Variants in ROBO3 observed in about 807,000 individuals in gnomAD.
The protein encoded by ROBO3 is roundabout homolog 3.
ROBO3 carries 97 observed loss-of-function variants against 160.5 expected under a neutral mutation model. That is an observed-to-expected ratio of 0.60 (90% CI 0.51 to 0.72). ROBO3 has a LOEUF of 0.72. Among genes scored for constraint, ROBO3 ranks in the 30% least tolerant of loss-of-function variants. The probability of loss-of-function intolerance (pLI) is 0.00; values close to 1 mark genes in which losing one functional copy is unlikely to be tolerated. For synonymous variants in ROBO3, 780 were observed against 746.2 expected (o/e 1.05, Z -0.74); for missense variants, 1,858 against 1,846.5 (o/e 1.01, Z -0.11).
rs771357888 is a variant in ROBO3, at chr11:124,870,139, A to C, written c.767-26A>C. Reference sequence around the variant, plus strand: ...AGTAAGTAGCCGTGCAGACACCCTGACTGTTCACTCACTACCACTCCATAG... The same window carrying C: ...AGTAAGTAGCCGTGCAGACACCCTGCCTGTTCACTCACTACCACTCCATAG... On this transcript the variant is annotated intron_variant, in intron 4 of 27. Coordinates refer to ENST00000397801, the MANE Select transcript of ROBO3 (RefSeq NM_022370.4). 2.5e-6 allele frequency: 4 copies of C among 1,613,994 alleles called. No individual in the cohort carries two copies. The Middle Eastern group carries it at 5.0e-4, about 200-fold the overall frequency.
In ROBO3 at chr11:124,868,727, C is replaced by A. The variant is rs753916056; in HGVS notation, c.161-75C>A. ...TAGGAGATGGAACGACCAGAGGATTCTCTTTCCCTCTGGAGCCTCAATCTC... is the reference window on the plus strand; with the variant it reads ...TAGGAGATGGAACGACCAGAGGATTATCTTTCCCTCTGGAGCCTCAATCTC... On this transcript the variant is annotated intron_variant, in intron 1 of 27. Transcript: ENST00000397801. 2.4e-5 allele frequency: 34 copies of A among 1,406,532 alleles called. No individual in the cohort carries two copies. The African/African-American group carries it at 4.8e-4, about 20-fold the overall frequency. The allele number at this position is 1,406,532 out of a possible 1,614,324, so 87.1% of individuals were successfully genotyped here.
chr11:124,870,976 C>A, intron 6 of ROBO3, 38 bp from the exon 7 acceptor site: 8 of 1,594,064 alleles, frequency 5.0e-6, no homozygotes, highest in Non-Finnish European at 6.0e-6. Context: ...CTTAGTGCCT[C>A]TGACTACCTG....
Position 124,865,478 on chromosome 11 carries a change from G to C in ROBO3, c.-100G>C. The C allele has an allele frequency of 1.6e-6, 2 of 1,259,572 alleles. No individual in the cohort carries two copies. Among genetic ancestry groups the C allele is most frequent in the Admixed American group, 2.3e-5 (1 of 43,010 alleles). 78.0% of individuals were successfully genotyped at this position (1,259,572 alleles called of 1,614,324 possible). On this transcript the variant is annotated 5_prime_UTR_variant, in exon 1 of 28. Transcript: ENST00000397801. This position sits in a 1 kb window ranked among gnomAD's most constrained non-coding sequence, Gnocchi z 5.5. ...AGAGCGGCACCGTGGCTGCCGCAGCGCGCAGAGGCTGTGGAGGGGCTTACG... is the reference window on the plus strand; with the variant it reads ...AGAGCGGCACCGTGGCTGCCGCAGCCCGCAGAGGCTGTGGAGGGGCTTACG...
chr11:124,878,442 G>A lies in ROBO3; in HGVS notation c.3320+6G>A, dbSNP rs1441736843. ...GAGGAGGAGCTGGAGGGCAGGTAGA[G>A]ATGCTCCCTGCTTCCAGGCCCACAC... On this transcript the variant is annotated splice_donor_region_variant and intron_variant, in intron 22 of 27. Transcript: ENST00000397801. This position sits in a 1 kb window ranked among gnomAD's most constrained non-coding sequence, Gnocchi z 4.3. The A allele has an allele frequency of 1.2e-6, 2 of 1,611,716 alleles. No individual in the cohort carries two copies. Among genetic ancestry groups the A allele is most frequent in the Admixed American group, 1.7e-5 (1 of 59,962 alleles).
Position 124,872,660 on chromosome 11 carries a change from T to A in ROBO3, c.1330+108T>A. ...TATACTATGTCTGCAAGAGGAGAGA[T>A]GTGTTCCTGAGGCATGACCTTGAAG... On this transcript the variant is annotated intron_variant, in intron 8 of 27. Transcript: ENST00000397801. The surrounding 1 kb of genome is among the most constrained non-coding windows in gnomAD (Gnocchi z 4.3). 2 of 1,210,208 alleles carry A rather than the reference T, an allele frequency of 1.7e-6. No individual in the cohort carries two copies. Among genetic ancestry groups the A allele is most frequent in the Non-Finnish European group, 2.3e-6 (2 of 875,290 alleles). 75.0% of individuals were successfully genotyped at this position (1,210,208 alleles called of 1,614,324 possible).
In ROBO3 at chr11:124,878,552, C is replaced by A; in HGVS notation, c.3321-32C>A. 6.2e-7 allele frequency: 1 copy of A among 1,605,894 alleles called. No homozygotes were observed. On this transcript the variant is annotated intron_variant, in intron 22 of 27. Transcript: ENST00000397801. The surrounding 1 kb of genome is among the most constrained non-coding windows in gnomAD (Gnocchi z 4.3). ...CGGGAAGGTATGGAAGCAGCTGAGC[C>A]CTTTCCTTCTCTCCTGCCTCTTTGA...
Position 124,876,807 on chromosome 11 carries a change from G to A in ROBO3, c.2779+347G>A. On this transcript the variant is annotated intron_variant, in intron 17 of 27. Transcript: ENST00000397801. The surrounding 1 kb of genome is among the most constrained non-coding windows in gnomAD (Gnocchi z 5.3). ...GGCCTGGCAAGAGGGGGTGTGGCCAGGATCCCAGGCAGTAAATTGTGCGGC... is the reference window on the plus strand; with the variant it reads ...GGCCTGGCAAGAGGGGGTGTGGCCAAGATCCCAGGCAGTAAATTGTGCGGC... 1 of 522,734 alleles carries A rather than the reference G, an allele frequency of 1.9e-6. No homozygotes were observed. The highest frequency in any genetic ancestry group is 3.4e-6 in the Non-Finnish European group (1 of 294,388). 32.4% of individuals were successfully genotyped at this position (522,734 alleles called of 1,614,324 possible).
Position 124,876,277 on chromosome 11 carries a change from TC to T in ROBO3, c.2600del (p.Pro867ArgfsTer137). The T allele has an allele frequency of 1.4e-6, 2 of 1,468,332 alleles. No homozygotes were observed. The highest frequency in any genetic ancestry group is 1.8e-6 in the Non-Finnish European group (2 of 1,121,570). 91.0% of individuals were successfully genotyped at this position (1,468,332 alleles called of 1,614,324 possible). A position where few individuals can be genotyped will look rare whatever the true frequency, so the allele number is the denominator to read the frequency against. ...CCTCACTTCTCTGACCCCCACAGCG[TC>T]CCCGCCGGACCTGGAGCCCGGGCTG... is the stretch of plus-strand genomic sequence containing the variant. The part of the protein sequence containing the change: ...PSAPVLVQLP[S>X]PPDLEPGLEV... On this transcript the variant is annotated frameshift_variant, in exon 17 of 28. Transcript: ENST00000397801. LOFTEE classifies it high-confidence loss of function. This position sits in a 1 kb window ranked among gnomAD's most constrained non-coding sequence, Gnocchi z 5.3.
Position 124,877,168 on chromosome 11 carries a change from T to G in ROBO3, c.2787T>G (p.Phe929Leu). 1 of 1,613,954 alleles carries G rather than the reference T, an allele frequency of 6.2e-7. No individual in the cohort carries two copies. The change falls in exon 18 of 28, where the codon TTT becomes TTG. Residue 929 changes from phenylalanine (F) to leucine (L), a missense_variant. Transcript: ENST00000397801. The part of the protein sequence containing the change: ...RKELSHYTAS[F>L]AYTPAVSFPH... Reference sequence around the variant, plus strand: ...CGGGTTCCTTTCTGGAAGCCTCTTTTGCCTACACACCGGCAGGTAAGCCAT... The same window carrying G: ...CGGGTTCCTTTCTGGAAGCCTCTTTGGCCTACACACCGGCAGGTAAGCCAT...
chr11:124,871,231 C>T (rs1266722280), intron 7 of ROBO3, 93 bp downstream of exon 7: 1 of 1,426,826 alleles, frequency 7.0e-7, no homozygotes, highest in Non-Finnish European at 9.3e-7. Context: ...TCTGGGGCTT[C>T]TGTTTTATCT....
chr11:124,875,717 G>A (rs377168040), intron 15 of ROBO3, 32 bp downstream of exon 15: 232 of 1,578,526 alleles, frequency 1.5e-4, no homozygotes, highest in Non-Finnish European at 1.9e-4. Context: ...TGGATGGGAG[G>A]GCCAGGCCGG....
chr11:124,878,684 AC>A lies in ROBO3; in HGVS notation c.3426del (p.Ser1143LeufsTer96). 6.2e-7 allele frequency: 1 copy of A among 1,613,248 alleles called. No individual in the cohort carries two copies. Among genetic ancestry groups the A allele is most frequent in the African/African-American group, 1.3e-5 (1 of 74,908 alleles). On this transcript the variant is annotated frameshift_variant, in exon 23 of 28. Transcript: ENST00000397801. LOFTEE classifies it high-confidence loss of function. The surrounding 1 kb of genome is among the most constrained non-coding windows in gnomAD (Gnocchi z 4.3). ...CCTGGTCACCCCATCCCGAAGGGAA[AC>A]CCCCTCTCCCACACCTTCCTATGGA... is the stretch of plus-strand genomic sequence containing the variant. The part of the protein sequence containing the change: ...GCLVTPSRRE[T>X]PSPTPSYGQQ...
rs141650448 is a variant in ROBO3 at position 124,881,300 on chromosome 11, A to G, written c.*50A>G. The stretch of plus-strand genomic sequence containing the variant: ...CATGAGTGCCACGGGGAAGGGGAGT[A>G]GGGATGTCTTTTCCCCCCCAGCAGT... On this transcript the variant is annotated 3_prime_UTR_variant, in exon 28 of 28. Transcript: ENST00000397801. 51 of 1,565,092 alleles carry G rather than the reference A, an allele frequency of 3.3e-5. No individual in the cohort carries two copies. In the African/African-American group the frequency reaches 6.6e-4, roughly 20 times the overall value.
Position 124,872,740 on chromosome 11 carries a change from C to A in ROBO3, c.1331-144C>A. 2 of 929,470 alleles carry A rather than the reference C, an allele frequency of 2.2e-6. No individual in the cohort carries two copies. The highest frequency in any genetic ancestry group is 3.1e-6 in the Non-Finnish European group (2 of 636,414). The allele number at this position is 929,470 out of a possible 1,614,324, so 57.6% of individuals were successfully genotyped here. Reference sequence around the variant, plus strand: ...AATGGCTGGTCCTGGGCAGAGACTTCAGATGATTATCAAAGCCCCCTCTGA... The same window carrying A: ...AATGGCTGGTCCTGGGCAGAGACTTAAGATGATTATCAAAGCCCCCTCTGA... On this transcript the variant is annotated intron_variant, in intron 8 of 27. Transcript: ENST00000397801. The surrounding 1 kb of genome is among the most constrained non-coding windows in gnomAD (Gnocchi z 4.3).
intron 17 of ROBO3, 50 bp from the exon 18 acceptor site, chr11:124,877,111 C>G (rs1186789587): frequency 6.2e-7 from 1 of 1,605,238 alleles, no homozygotes; most frequent in South Asian, 1.1e-5. Context: ...TATTTCTGAC[C>G]CTTCTCCTCA....
Position 124,870,056 on chromosome 11 carries a change from G to C in ROBO3, c.754G>C (p.Val252Leu). The C allele has an allele frequency of 6.2e-7, 1 of 1,613,998 alleles. No individual in the cohort carries two copies. The highest frequency in any genetic ancestry group is 2.2e-5 in the East Asian group (1 of 44,872). The change falls in exon 4 of 28, where the codon GTC becomes CTC. Residue 252 changes from valine (V) to leucine (L), a missense_variant. Val to Leu is a conservative substitution (Grantham distance 32). Transcript: ENST00000397801. ...AGERESAAAE[V>L]MVLERPSFLR... The stretch of plus-strand genomic sequence containing the variant: ...AGAACGGGAGAGTGCGGCAGCTGAA[G>C]TCATGGTACTGGGTAGGCACAGGGA...
Position 124,867,702 on chromosome 11 carries a change from G to A in ROBO3, c.161-1100G>A, listed in dbSNP as rs533718667. Among the ~76,000 whole-genome samples, 5 of 152,092 alleles carry A rather than the reference G, an allele frequency of 3.3e-5. No homozygotes were observed. In the South Asian group the frequency reaches 6.3e-4, roughly 19 times the overall value. ...TTGTCTACAACAGAACTTCTAAGAG[G>A]GGGGGCAGGAAATGAAACCCAATCT... is the stretch of plus-strand genomic sequence containing the variant. On this transcript the variant is annotated intron_variant, in intron 1 of 27. Coordinates refer to ENST00000397801, the MANE Select transcript of ROBO3 (RefSeq NM_022370.4).
chr11:124,871,144 T>C lies in ROBO3; in HGVS notation c.1158+6T>C. Reference sequence around the variant, plus strand: ...GGCAGAAGGAGGGGAGTCAGGTGGGTGGCCATCTCCAAGGAGCTTCCCATC... The same window carrying C: ...GGCAGAAGGAGGGGAGTCAGGTGGGCGGCCATCTCCAAGGAGCTTCCCATC... On this transcript the variant is annotated splice_donor_region_variant and intron_variant, in intron 7 of 27. Transcript: ENST00000397801. The C allele has an allele frequency of 6.2e-7, 1 of 1,611,498 alleles. No homozygotes were observed. The highest frequency in any genetic ancestry group is 8.5e-7 in the Non-Finnish European group (1 of 1,179,006).
rs764830563 is a variant in ROBO3 at position 124,876,566 on chromosome 11, G to A, written c.2779+106G>A. On this transcript the variant is annotated intron_variant, in intron 17 of 27. Coordinates refer to ENST00000397801, the MANE Select transcript of ROBO3 (RefSeq NM_022370.4). This position sits in a 1 kb window ranked among gnomAD's most constrained non-coding sequence, Gnocchi z 5.3. Reference sequence around the variant, plus strand: ...CGAGTGAGGACCGGGTCGGGAGAAAGGGGTCGCACCTGGAGTTCAGCCTCT... The same window carrying A: ...CGAGTGAGGACCGGGTCGGGAGAAAAGGGTCGCACCTGGAGTTCAGCCTCT... The A allele has an allele frequency of 2.2e-5, 22 of 1,001,926 alleles. No individual in the cohort carries two copies. The African/African-American group carries it at 3.6e-4, about 16-fold the overall frequency. 62.1% of individuals were successfully genotyped at this position (1,001,926 alleles called of 1,614,324 possible).
Sources: gnomAD v4.1 joint callset for allele counts (sites outside exome capture counted in the v4.1 genomes callset) on GRCh38, gnomAD v4.1.1 for gene constraint, Gnocchi (gnomAD v3.1) non-coding constraint, MANE v1.5 for transcripts, NCBI Gene and HGNC (gene_info 2026-07-23, HGNC 2026-07-21) for gene names.